The following TAS2R1 variants were observed in gnomAD, a reference collection of about 807,000 sequenced individuals.
TAS2R1 encodes the protein taste 2 receptor member 1.
For synonymous variants in TAS2R1, 141 were observed against 134.2 expected, an observed-to-expected ratio of 1.05 and a Z score of -0.35; for missense variants, 370 against 353.4, an observed-to-expected ratio of 1.05 and a Z score of -0.38.
chr5:9,798,039 C>T, the TAS2R1 span, among the ~76,000 whole-genome samples: 904 of 152,182 alleles, frequency 5.9e-3, 5 homozygotes, highest in Non-Finnish European at 8.0e-3. Context: ...GGAACATCCA[C>T]GCAATGGAAT....
the TAS2R1 span, among the ~76,000 whole-genome samples, chr5:9,782,758 G>A: frequency 6.6e-6 from 1 of 152,066 alleles, no homozygotes; most frequent in Admixed American, 6.5e-5. Flanking sequence ...TTTCTAAAGG[G>A]ACTAAATGTT....
chr5:9,900,618 G>GTTTTT, the TAS2R1 span, among the ~76,000 whole-genome samples: 526 of 119,916 alleles, frequency 4.4e-3, 13 homozygotes, highest in African/African-American at 0.015. Flanking sequence ...TGCTCAAATG[G>GTTTTT]TTTTTTTTTT....
At chr5:9,901,628 T>A in the TAS2R1 span, among the ~76,000 whole-genome samples, 1 of 152,028 alleles carries the variant, frequency 6.6e-6, no homozygotes, top group African/African-American at 2.4e-5. Flanking sequence ...AGGGGATAAA[T>A]CTTCCTGCAG....
chr5:9,724,350 T>C, the TAS2R1 span, among the ~76,000 whole-genome samples: 1 of 151,658 alleles, frequency 6.6e-6, no homozygotes, highest in East Asian at 1.9e-4. Flanking sequence ...CTTTCTTTTT[T>C]TTTTTTTTTT....
At chr5:9,643,313 C>G (rs139938705) in intron 2 of TAS2R1, among the ~76,000 whole-genome samples, 44 of 152,282 alleles carry the variant, frequency 2.9e-4, no homozygotes, top group African/African-American at 9.4e-4. Flanking sequence ...CAAATCTGTA[C>G]AACATGTTAC....
the TAS2R1 span, among the ~76,000 whole-genome samples, chr5:9,817,538 T>A: frequency 3.9e-5 from 6 of 152,186 alleles, no homozygotes; most frequent in African/African-American, 1.2e-4. Context: ...AATGTTCTAG[T>A]TAGATAGTGG....
intron 1 of TAS2R1, among the ~76,000 whole-genome samples, chr5:9,667,118 T>G (rs546021016): frequency 9.2e-5 from 14 of 152,346 alleles, no homozygotes; most frequent in Non-Finnish European, 1.8e-4. Context: ...ATGCATACCA[T>G]GTGCCTGGCA....
At chr5:9,652,455 ATCC>A (rs1296328059) in intron 2 of TAS2R1, among the ~76,000 whole-genome samples, 2 of 152,164 alleles carry the variant, frequency 1.3e-5, no homozygotes, top group Non-Finnish European at 2.9e-5. Context: ...TACTATCGTC[ATCC>A]TCTTCCTCTT....
the TAS2R1 span, among the ~76,000 whole-genome samples, chr5:9,718,691 G>T: frequency 6.6e-6 from 1 of 152,152 alleles, no homozygotes; most frequent in Non-Finnish European, 1.5e-5. Context: ...TTTTTGACCA[G>T]GTGGTCAAAA....
chr5:9,762,822 AACTT>A, the TAS2R1 span, among the ~76,000 whole-genome samples: 2 of 152,208 alleles, frequency 1.3e-5, no homozygotes, highest in Admixed American at 1.3e-4. Context: ...CCTGCCTCTA[AACTT>A]ACTTAGGAAA....
At chr5:9,679,235 G>T (rs1740948013) in intron 1 of TAS2R1, among the ~76,000 whole-genome samples, 1 of 152,194 alleles carries the variant, frequency 6.6e-6, no homozygotes, top group Non-Finnish European at 1.5e-5. Context: ...AAGCACAGGG[G>T]ATTTTTAGGA....
the TAS2R1 span, among the ~76,000 whole-genome samples, chr5:9,750,860 A>G: frequency 4.6e-5 from 7 of 152,082 alleles, no homozygotes; most frequent in Non-Finnish European, 1.0e-4. Flanking sequence ...TGCAATATTG[A>G]TTGGATGTAT....
chr5:9,684,100 C>T (rs185506544), intron 1 of TAS2R1, among the ~76,000 whole-genome samples: 36 of 152,278 alleles, frequency 2.4e-4, no homozygotes, highest in Middle Eastern at 3.4e-3. Flanking sequence ...TCTGCACTCT[C>T]ATGTTTATTG....
intron 1 of TAS2R1, among the ~76,000 whole-genome samples, chr5:9,670,938 C>T (rs1328393801): frequency 6.6e-6 from 1 of 152,142 alleles, no homozygotes; most frequent in African/African-American, 2.4e-5. Context: ...AAAAGCTAAT[C>T]CACCATGATC....
the TAS2R1 span, among the ~76,000 whole-genome samples, chr5:9,866,933 T>C: frequency 1.3e-5 from 2 of 152,222 alleles, no homozygotes; most frequent in Non-Finnish European, 2.9e-5. Context: ...TGTGTATGTA[T>C]GTTCTATATT....
At chr5:9,795,885 T>C in the TAS2R1 span, among the ~76,000 whole-genome samples, 9 of 152,134 alleles carry the variant, frequency 5.9e-5, no homozygotes, top group Non-Finnish European at 7.4e-5. Flanking sequence ...AGGGAGAGGA[T>C]CCACAGCTTC....
chr5:9,745,644 C>T, the TAS2R1 span, among the ~76,000 whole-genome samples: 2 of 151,970 alleles, frequency 1.3e-5, no homozygotes, highest in Admixed American at 6.6e-5. Flanking sequence ...CTTCAACAAA[C>T]CTGACAAAAA....
the TAS2R1 span, among the ~76,000 whole-genome samples, chr5:9,736,308 T>A: frequency 6.6e-6 from 1 of 152,224 alleles, no homozygotes; most frequent in Non-Finnish European, 1.5e-5. Flanking sequence ...GCAGCTATGG[T>A]CTAGCAGGAC....
chr5:9,697,910 A>C (rs909980888), intron 1 of TAS2R1, among the ~76,000 whole-genome samples: 3 of 152,020 alleles, frequency 2.0e-5, no homozygotes, highest in Admixed American at 1.3e-4. Flanking sequence ...ATCACTAAGA[A>C]GGTTAAGATC....
Sources: gnomAD v4.1 joint callset for allele counts (sites outside exome capture counted in the v4.1 genomes callset) on GRCh38, gnomAD v4.1.1 for gene constraint, MANE v1.5 for transcripts, NCBI Gene and HGNC (gene_info 2026-07-23, HGNC 2026-07-21) for gene names.